Variants in UTP15 observed in about 807,000 individuals in gnomAD.
The protein encoded by UTP15 is U3 small nucleolar RNA-associated protein 15 homolog.
UTP15 carries 5 observed loss-of-function variants against 59.1 expected under a neutral mutation model. That is an observed-to-expected ratio of 0.08 (90% CI 0.04 to 0.18). The LOEUF (loss-of-function observed/expected upper bound fraction) is 0.18, where lower values mean the gene tolerates loss of function less well. Among genes scored for constraint, UTP15 ranks in the 10% least tolerant of loss-of-function variants. The pLI, the probability that UTP15 is intolerant of heterozygous loss-of-function variation, is 1.00. For missense variants in UTP15, 494 were observed against 616.7 expected (o/e 0.80, Z 2.11); for synonymous variants, 211 against 212.2 (o/e 0.99, Z 0.05).
At chr5:73,569,738 A>G in intron 5 of UTP15, 63 bp downstream of exon 5, 1 of 1,388,384 alleles carries the variant, frequency 7.2e-7, no homozygotes, top group Non-Finnish European at 9.5e-7. Context: ...TAATGTTGCT[A>G]TGGGACTCTT....
At chr5:73,569,830 A>G (rs1486596120) in intron 5 of UTP15, among the ~76,000 whole-genome samples, 155 bp downstream of exon 5, 1 of 152,070 alleles carries the variant, frequency 6.6e-6, no homozygotes, top group Non-Finnish European at 1.5e-5. Context: ...ATTTTTATGT[A>G]TGTATGTTTG....
chr5:73,569,303 A>G (rs563188650), intron 4 of UTP15, among the ~76,000 whole-genome samples, 194 bp from the exon 5 acceptor site: 35 of 152,114 alleles, frequency 2.3e-4, no homozygotes, highest in African/African-American at 6.7e-4. Flanking sequence ...ACAATATAGG[A>G]GTATTTACAC....
intron 1 of UTP15, 108 bp from the exon 2 acceptor site, chr5:73,567,154 T>A: frequency 3.1e-6 from 1 of 322,434 alleles, no homozygotes; most frequent in Non-Finnish European, 5.6e-6. Flanking sequence ...AAATGGCTTA[T>A]TGGTCTCTAA....
intron 5 of UTP15, among the ~76,000 whole-genome samples, 198 bp from the exon 6 acceptor site, chr5:73,570,388 C>A (rs889150463): frequency 6.6e-6 from 1 of 152,158 alleles, no homozygotes; most frequent in Non-Finnish European, 1.5e-5. Flanking sequence ...AAGTTAGATT[C>A]TGTATAGTAT....
intron 4 of UTP15, 46 bp downstream of exon 4, chr5:73,568,650 A>C (rs781541979): frequency 1.3e-6 from 2 of 1,536,490 alleles, no homozygotes; most frequent in Non-Finnish European, 1.8e-6. Flanking sequence ...ATTTTGTTGT[A>C]AGCTCTTTTT....
At chr5:73,576,102 T>C (rs1168559864) in intron 7 of UTP15, among the ~76,000 whole-genome samples, 1 of 150,730 alleles carries the variant, frequency 6.6e-6, no homozygotes, top group East Asian at 2.0e-4. Flanking sequence ...TTTTTTTTCC[T>C]TTTTTTCTTT....
chr5:73,578,870 A>T lies in UTP15; in HGVS notation c.1146+18A>T, dbSNP rs1430409046. The T allele has an allele frequency of 4.4e-6, 7 of 1,589,670 alleles. No homozygotes were observed. Among genetic ancestry groups the T allele is most frequent in the East Asian group, 2.2e-5 (1 of 44,846 alleles). ...TTCTTGATGTGAGTGAGCATTTTTT[A>T]AAAAATCATGTTATTACTTACCCTG... On this transcript the variant is annotated intron_variant, in intron 10 of 12. Coordinates refer to ENST00000296792, the MANE Select transcript of UTP15 (RefSeq NM_032175.4).
intron 7 of UTP15, 89 bp from the exon 8 acceptor site, chr5:73,576,863 A>G (rs1315487124): frequency 7.1e-6 from 6 of 846,328 alleles, no homozygotes; most frequent in African/African-American, 1.7e-5. Context: ...ACAGATTTTA[A>G]TGTTTGTATT....
chr5:73,568,495 A>G lies in UTP15; in HGVS notation c.259A>G (p.Thr87Ala), dbSNP rs556396256. ...ATTTAAAGACACAGCATACTGTGCT[A>G]CTTTTCGACAAGATGGTAGATTGCT... ...SRFKDTAYCA[T>A]FRQDGRLLVA... Residue 87 changes from threonine (T) to alanine (A), a missense_variant, in exon 4 of 13, where the codon ACT becomes GCT. Physicochemically the swap from Thr to Ala is moderately conservative, Grantham distance 58. Transcript: ENST00000296792. The G allele has an allele frequency of 2.5e-5, 40 of 1,614,136 alleles. No homozygotes were observed. The African/African-American group carries it at 3.6e-4, about 15-fold the overall frequency.
At position 73,582,437 on chromosome 5, in the gene UTP15, TGTAGTG is replaced by T. The variant is rs1748348956; in HGVS notation, c.*2346_*2351del. The T allele has an allele frequency of 6.6e-6, 1 of 152,192 alleles. No individual in the cohort carries two copies. The highest frequency in any genetic ancestry group is 2.4e-5 in the African/African-American group (1 of 41,434). The allele number at this position is 152,192 out of a possible 1,614,324, so 9.4% of individuals were successfully genotyped here. A position where few individuals can be genotyped will look rare whatever the true frequency, so the allele number is the denominator to read the frequency against. ...TCTCTTTCTGTTGTCCAGGCTGGAGTGTAGTGGTGTGATCATAGCTCACTGCAGCTT... is the reference window on the plus strand; with the variant it reads ...TCTCTTTCTGTTGTCCAGGCTGGAGTGTGTGATCATAGCTCACTGCAGCTT... On this transcript the variant is annotated 3_prime_UTR_variant, in exon 13 of 13. Transcript: ENST00000296792.
rs935786808 is a variant in UTP15, at chr5:73,581,575, TCTC to T, written c.*1485_*1487del. ...ATAGAGGAAGATTTTGTAATGCGAA[TCTC>T]CTCTCATAATTTTAGTTCTGTAAAT... On this transcript the variant is annotated 3_prime_UTR_variant, in exon 13 of 13. Transcript: ENST00000296792. 3 of 152,104 alleles carry T rather than the reference TCTC, an allele frequency of 2.0e-5. No homozygotes were observed. The highest frequency in any genetic ancestry group is 7.2e-5 in the African/African-American group (3 of 41,426). 9.4% of individuals were successfully genotyped at this position (152,104 alleles called of 1,614,324 possible).
chr5:73,571,747 G>A (rs1747937780), intron 6 of UTP15, among the ~76,000 whole-genome samples: 1 of 151,914 alleles, frequency 6.6e-6, no homozygotes, highest in Admixed American at 6.6e-5. Flanking sequence ...ACCAGCCTGG[G>A]CAACATAGCA....
intron 5 of UTP15, among the ~76,000 whole-genome samples, chr5:73,570,129 C>T (rs1747889912): frequency 2.6e-5 from 4 of 152,230 alleles, no homozygotes; most frequent in Admixed American, 2.6e-4. Context: ...GCCACCATGC[C>T]TGGCTTCCAA....
intron 6 of UTP15, among the ~76,000 whole-genome samples, chr5:73,570,941 G>A (rs962502447): frequency 1.4e-4 from 21 of 152,284 alleles, no homozygotes; most frequent in Middle Eastern, 3.4e-3. Flanking sequence ...ATGCTACAAG[G>A]TAGTTAGCTT....
At chr5:73,568,639 T>G (rs1477032552) in intron 4 of UTP15, 35 bp downstream of exon 4, 4 of 1,558,922 alleles carry the variant, frequency 2.6e-6, no homozygotes, top group Non-Finnish European at 3.5e-6. Flanking sequence ...GTTCTGGTTT[T>G]ATTTTGTTGT....
chr5:73,579,029 A>G lies in UTP15; in HGVS notation c.1159A>G (p.Ile387Val), dbSNP rs1053335176. The part of the protein sequence containing the change: ...LDRVLDPTCT[I>V]KTPEITVSII... ...AAAATTTTTCTAGCCCACTTGTACA[A>G]TAAAGACACCCGAGATTACGGTGTC... Residue 387 changes from isoleucine (I) to valine (V), a missense_variant, in exon 11 of 13, where the codon ATA (isoleucine) becomes GTA (valine). Transcript: ENST00000296792. The G allele has an allele frequency of 5.0e-6, 8 of 1,611,228 alleles. No homozygotes were observed. The highest frequency in any genetic ancestry group is 1.7e-5 in the Admixed American group (1 of 59,712).
At chr5:73,578,586 ACT>A (rs918956175) in intron 9 of UTP15, among the ~76,000 whole-genome samples, 163 bp from the exon 10 acceptor site, 1 of 150,230 alleles carries the variant, frequency 6.7e-6, no homozygotes, top group African/African-American at 2.4e-5. Flanking sequence ...TCTTTTTTTG[ACT>A]CTGATTAGCA....
rs1487126070 is a variant in UTP15, at chr5:73,581,219, T to C, written c.*1125T>C. ...ACAGGTGTGCCCCACCACGCCTGGC[T>C]AATTTTTGTAGTTTTAGTAGAGACG... On this transcript the variant is annotated 3_prime_UTR_variant, in exon 13 of 13. Transcript: ENST00000296792. 1 of 152,156 alleles carries C rather than the reference T, an allele frequency of 6.6e-6. No individual in the cohort carries two copies. The highest frequency in any genetic ancestry group is 1.5e-5 in the Non-Finnish European group (1 of 68,080). 9.4% of individuals were successfully genotyped at this position (152,156 alleles called of 1,614,324 possible).
chr5:73,567,517 CAG>C (rs1192844002), intron 2 of UTP15, 83 bp downstream of exon 2: 8 of 977,464 alleles, frequency 8.2e-6, no homozygotes, highest in African/African-American at 1.7e-5. Context: ...GATGCTCTAA[CAG>C]AGAATTATTA....
Sources: allele counts gnomAD v4.1 joint callset (sites outside exome capture counted in the v4.1 genomes callset), GRCh38; gene constraint gnomAD v4.1.1; transcripts MANE v1.5; gene names NCBI Gene and HGNC (gene_info 2026-07-23, HGNC 2026-07-21).